The following ABAT variants were observed in gnomAD, a reference collection of about 807,000 sequenced individuals.
ABAT encodes 4-aminobutyrate aminotransferase, also known as 4-aminobutyrate aminotransferase, mitochondrial.
In ABAT, 45 loss-of-function variants were observed where a neutral mutation model predicts 64.6. The observed-to-expected ratio is 0.70, with a 90% CI of 0.55 to 0.89. The LOEUF (loss-of-function observed/expected upper bound fraction) is 0.89. Among genes scored for constraint, ABAT ranks in the 40% least tolerant of loss-of-function variants. The probability of loss-of-function intolerance (pLI) is 0.00; values close to 1 mark genes in which losing one functional copy is unlikely to be tolerated. For synonymous variants in ABAT, 297 were observed against 250.5 expected (o/e 1.19, Z -1.75); for missense variants, 633 against 658.4 (o/e 0.96, Z 0.42).
At chr16:8,752,838 T>A (rs544548306) in intron 5 of ABAT, among the ~76,000 whole-genome samples, 2 of 152,200 alleles carry the variant, frequency 1.3e-5, no homozygotes, top group Non-Finnish European at 2.9e-5. Flanking sequence ...TCCTCCCGTA[T>A]CTGTAGTCTT....
At chr16:8,750,328 G>A (rs1406965180) in intron 4 of ABAT, 94 bp from the exon 5 acceptor site, 10 of 1,079,372 alleles carry the variant, frequency 9.3e-6, no homozygotes, top group Admixed American at 1.7e-5. Flanking sequence ...AGATAGTCAC[G>A]ATATGGTGTA....
At chr16:8,705,922 A>C (rs995773678) in intron 1 of ABAT, among the ~76,000 whole-genome samples, 2 of 152,186 alleles carry the variant, frequency 1.3e-5, no homozygotes. Context: ...ATGAATTTGC[A>C]CACAGTGGAA....
intron 1 of ABAT, among the ~76,000 whole-genome samples, chr16:8,729,991 A>C (rs13333072): frequency 2.0e-5 from 3 of 152,022 alleles, no homozygotes; most frequent in South Asian, 4.2e-4. Flanking sequence ...GGAGGAAGGA[A>C]GTGCAGAGCA....
chr16:8,777,145 C>T (rs1035289781), intron 14 of ABAT, among the ~76,000 whole-genome samples: 4 of 151,828 alleles, frequency 2.6e-5, no homozygotes, highest in African/African-American at 7.3e-5. Flanking sequence ...AGGTGATCCG[C>T]TTGCCTCAGC....
chr16:8,747,058 G>A (rs1235156322), intron 3 of ABAT, among the ~76,000 whole-genome samples: 2 of 152,196 alleles, frequency 1.3e-5, no homozygotes, highest in Admixed American at 6.5e-5. Context: ...GTGTACAAAA[G>A]CAAGAGGAGA....
intron 1 of ABAT, chr16:8,715,695 A>G (rs1479508618): frequency 6.6e-6 from 1 of 151,528 alleles, no homozygotes; most frequent in Admixed American, 6.6e-5. Context: ...GAATATCTGA[A>G]TATAGATTGT....
intron 11 of ABAT, among the ~76,000 whole-genome samples, chr16:8,771,024 G>A (rs929558676): frequency 2.3e-4 from 35 of 152,096 alleles, no homozygotes; most frequent in Non-Finnish European, 4.0e-4. Flanking sequence ...AACCGGGCGC[G>A]GTGGCTCATG....
At chr16:8,708,735 A>G (rs1640977) in intron 1 of ABAT, among the ~76,000 whole-genome samples, 151,927 of 152,372 alleles carry the variant, frequency 1, 75,743 homozygotes, top group Middle Eastern at 1. Flanking sequence ...ATGGCTGGAT[A>G]AGCTTTGGGC....
intron 1 of ABAT, among the ~76,000 whole-genome samples, chr16:8,710,724 G>C (rs2058050271): frequency 7.2e-6 from 1 of 139,408 alleles, no homozygotes. Context: ...GAGAGAGAGA[G>C]AGAGAGGAAA....
At chr16:8,683,468 ACTC>A (rs1003495376) in intron 1 of ABAT, 8 of 151,710 alleles carry the variant, frequency 5.3e-5, no homozygotes, top group African/African-American at 1.9e-4. Flanking sequence ...GCAGGTCAAA[ACTC>A]CTGTGCTGAT....
intron 1 of ABAT, among the ~76,000 whole-genome samples, chr16:8,722,511 C>A (rs968735489): frequency 6.6e-6 from 1 of 151,964 alleles, no homozygotes; most frequent in Non-Finnish European, 1.5e-5. Context: ...AAGTTGATTT[C>A]AAGAAAAATG....
At chr16:8,715,177 C>T (rs2058178751) in intron 1 of ABAT, 1 of 152,160 alleles carries the variant, frequency 6.6e-6, no homozygotes, top group Non-Finnish European at 1.5e-5. Context: ...CAACTACATG[C>T]AAAATGACTG....
chr16:8,726,262 C>CTTTTTTTT lies in ABAT; in HGVS notation c.-41-9428_-41-9421dup, dbSNP rs71152921. ...TCCACGTTGTTGCAAATGACTAGATCTTTTTTTTTTTTTTTTGAGATGGAG... is the reference window on the plus strand; with the variant it reads ...TCCACGTTGTTGCAAATGACTAGATCTTTTTTTTTTTTTTTTTTTTTTTTGAGATGGAG... On this transcript the variant is annotated intron_variant, in intron 1 of 15. Transcript: ENST00000268251. Among the ~76,000 whole-genome samples, 426 of 120,724 alleles carry CTTTTTTTT rather than the reference C, an allele frequency of 3.5e-3. 11 individuals carry two copies. The highest frequency in any genetic ancestry group is 5.0e-3 in the Non-Finnish European group (300 of 60,168). The allele number at this position is 120,724 out of a possible 152,430, so 79.2% of individuals were successfully genotyped here.
At chr16:8,760,646 T>G (rs1409708564) in intron 6 of ABAT, among the ~76,000 whole-genome samples, 1 of 152,232 alleles carries the variant, frequency 6.6e-6, no homozygotes, top group East Asian at 1.9e-4. Flanking sequence ...GGCTTTGTTT[T>G]GAAATGTTGT....
chr16:8,763,239 G>A (rs1273400), intron 6 of ABAT, among the ~76,000 whole-genome samples: 3,824 of 152,226 alleles, frequency 0.025, 66 homozygotes, highest in Middle Eastern at 0.037. Context: ...CTAGATCCGA[G>A]TTGTGGTTCT....
chr16:8,716,134 A>G (rs1039780509), intron 1 of ABAT, among the ~76,000 whole-genome samples: 1 of 152,140 alleles, frequency 6.6e-6, no homozygotes, highest in Non-Finnish European at 1.5e-5. Flanking sequence ...GAGCTCTATC[A>G]CACCCATTTT....
In ABAT at chr16:8,715,279, A is replaced by C. The variant is rs371925849; in HGVS notation, c.-41-20420A>C. The C allele has an allele frequency of 6.6e-5, 10 of 152,006 alleles. No individual in the cohort carries two copies. The South Asian group carries it at 1.0e-3, about 16-fold the overall frequency. 9.4% of individuals were successfully genotyped at this position (152,006 alleles called of 1,614,324 possible). A position where few individuals can be genotyped will look rare whatever the true frequency, so the allele number is the denominator to read the frequency against. On this transcript the variant is annotated intron_variant, in intron 1 of 15. Coordinates refer to ENST00000268251, the MANE Select transcript of ABAT (RefSeq NM_020686.6). ...AAGAGATTAAAGAGCCATGAGCCCA[A>C]ATGCAATGTTTGATCCTAGGATGAA...
intron 1 of ABAT, among the ~76,000 whole-genome samples, chr16:8,712,648 T>G (rs2058102407): frequency 1.3e-5 from 2 of 152,090 alleles, no homozygotes; most frequent in Non-Finnish European, 2.9e-5. Context: ...TCTGCCCCGA[T>G]TTGGGGGCTG....
chr16:8,705,908 G>A (rs1225247802), intron 1 of ABAT, among the ~76,000 whole-genome samples: 1 of 152,172 alleles, frequency 6.6e-6, no homozygotes, highest in East Asian at 1.9e-4. Flanking sequence ...GGTGCCCTTG[G>A]ATTATGAATT....
Sources: gnomAD v4.1 joint callset for allele counts (sites outside exome capture counted in the v4.1 genomes callset) on GRCh38, gnomAD v4.1.1 for gene constraint, MANE v1.5 for transcripts, NCBI Gene and HGNC (gene_info 2026-07-23, HGNC 2026-07-21) for gene names.